The following AFF2 variants were observed in gnomAD, a reference collection of about 807,000 sequenced individuals.
The protein encoded by AFF2 is AF4/FMR2 family member 2.
AFF2 carries 14 observed loss-of-function variants against 76.9 expected under a neutral mutation model. The observed-to-expected ratio is 0.18, with a 90% CI of 0.12 to 0.28. AFF2 has a LOEUF of 0.28. AFF2 is among the 10% of genes least tolerant of loss of function. AFF2 has a pLI of 1.00. For synonymous variants in AFF2, 398 were observed against 366.7 expected, an observed-to-expected ratio of 1.09 and a Z score of -0.98; for missense variants, 868 against 1,001.1, an observed-to-expected ratio of 0.87 and a Z score of 1.79.
At chrX:148,538,928 C>A (rs1603235556) in intron 1 of AFF2, among the ~76,000 whole-genome samples, 1 of 111,696 alleles carries the variant, frequency 9.0e-6, no homozygotes. Context: ...ACTCTGAAGA[C>A]ATTAATTTGA....
chrX:148,614,022 A>G (rs1370803641), intron 1 of AFF2, among the ~76,000 whole-genome samples: 22 of 112,143 alleles, frequency 2.0e-4, no homozygotes, highest in Non-Finnish European at 5.6e-5. Flanking sequence ...ACATAAGAAA[A>G]TCCGAGCACA....
intron 1 of AFF2, among the ~76,000 whole-genome samples, chrX:148,589,791 CTG>C (rs782112249): frequency 2.1e-4 from 23 of 109,828 alleles, no homozygotes; most frequent in Non-Finnish European, 3.6e-4. Flanking sequence ...AGAAAGTAAA[CTG>C]TGAAAAAATA....
rs782757734 is a variant in AFF2 at position 148,962,726 on chromosome X, C to G, written c.2702C>G (p.Ser901Cys). 2 of 1,204,417 alleles carry G rather than the reference C, an allele frequency of 1.7e-6. No individual in the cohort carries two copies. The highest frequency in any genetic ancestry group is 5.9e-5 in the East Asian group (2 of 33,735). The change falls in exon 13 of 21, where the codon TCC becomes TGC. Residue 901 changes from serine to cysteine, a missense_variant. Coordinates refer to ENST00000370460, the MANE Select transcript of AFF2 (RefSeq NM_002025.4). Reference sequence around the variant, plus strand: ...CTTGTTTTTCACAGAAATAATTCATCCAGGAGAGCAAATAGAAGAAAGGAA... The same window carrying G: ...CTTGTTTTTCACAGAAATAATTCATGCAGGAGAGCAAATAGAAGAAAGGAA... ...KPPNTRENNS[S>C]RRANRRKEEK...
chrX:148,885,634 T>C (rs1270042473), intron 7 of AFF2, among the ~76,000 whole-genome samples: 7 of 111,504 alleles, frequency 6.3e-5, no homozygotes, highest in Non-Finnish European at 1.3e-4. Flanking sequence ...AATCCAGTCA[T>C]CTCTGGAGAT....
intron 7 of AFF2, among the ~76,000 whole-genome samples, chrX:148,864,584 T>C (rs1260656568): frequency 8.9e-6 from 1 of 112,284 alleles, no homozygotes; most frequent in Non-Finnish European, 1.9e-5. Context: ...ATCATAGAAT[T>C]ACTTCCTAGC....
chrX:148,541,988 T>G (rs1417433311), intron 1 of AFF2, among the ~76,000 whole-genome samples: 2 of 108,197 alleles, frequency 1.8e-5, no homozygotes, highest in Admixed American at 2.1e-4. Flanking sequence ...ACTGAACCTT[T>G]GTATTAGGAA....
chrX:148,596,713 T>A (rs116836566), intron 1 of AFF2, among the ~76,000 whole-genome samples: 2,083 of 112,113 alleles, frequency 0.019, 56 homozygotes, highest in African/African-American at 0.062. Flanking sequence ...TGTGCACAGG[T>A]AAGTCATATT....
intron 3 of AFF2, among the ~76,000 whole-genome samples, chrX:148,677,625 A>G (rs1433335665): frequency 1.8e-5 from 2 of 112,579 alleles, no homozygotes; most frequent in Non-Finnish European, 3.8e-5. Context: ...TGAACACATT[A>G]CCAGTTGAAT....
intron 3 of AFF2, among the ~76,000 whole-genome samples, chrX:148,717,189 A>C (rs1557263430): frequency 5.4e-5 from 6 of 112,135 alleles, no homozygotes; most frequent in Non-Finnish European, 1.1e-4. Context: ...AAACGAATAC[A>C]CAAAATATGG....
At chrX:148,623,986 T>A (rs1472944655) in intron 1 of AFF2, among the ~76,000 whole-genome samples, 2 of 111,874 alleles carry the variant, frequency 1.8e-5, no homozygotes, top group Non-Finnish European at 3.8e-5. Context: ...ATTTTGTCAC[T>A]GCAATTTGAC....
chrX:148,806,063 G>A lies in AFF2; in HGVS notation c.1042-3813G>A, dbSNP rs145570269. On this transcript the variant is annotated intron_variant, in intron 3 of 20. Coordinates refer to ENST00000370460, the MANE Select transcript of AFF2 (RefSeq NM_002025.4). The stretch of plus-strand genomic sequence containing the variant: ...ATTTAAAGAGAGGAGAAGGTGCCTC[G>A]GGAATTAAGCAGCAGCTTGGCAACT... 3.6e-3 allele frequency among the ~76,000 whole-genome samples: 400 copies of A among 112,638 alleles called. 2 individuals are homozygous for A. Among genetic ancestry groups the A allele is most frequent in the African/African-American group, 0.01 (315 of 31,069 alleles).
chrX:148,635,327 G>A (rs1393953132), intron 1 of AFF2, among the ~76,000 whole-genome samples: 1 of 110,823 alleles, frequency 9.0e-6, no homozygotes, highest in Non-Finnish European at 1.9e-5. Context: ...AGGAACGGTC[G>A]CCAGCCAGGC....
intron 3 of AFF2, among the ~76,000 whole-genome samples, chrX:148,792,058 A>G (rs1557269974): frequency 9.0e-6 from 1 of 110,976 alleles, no homozygotes; most frequent in African/African-American, 3.3e-5. Flanking sequence ...TTGTACAGTG[A>G]TTAAGAACAT....
chrX:148,854,895 T>G (rs990362126), intron 7 of AFF2, among the ~76,000 whole-genome samples: 10 of 111,624 alleles, frequency 9.0e-5, no homozygotes, highest in Non-Finnish European at 1.3e-4. Context: ...CTTTTTCTTT[T>G]CTTTATTTTT....
chrX:148,978,161 A>G (rs1179821146), intron 17 of AFF2, among the ~76,000 whole-genome samples, 157 bp downstream of exon 17: 1 of 112,523 alleles, frequency 8.9e-6, no homozygotes, highest in African/African-American at 3.2e-5. Context: ...CTGACTAAAC[A>G]TTTACTCTCC....
At chrX:148,725,501 G>A (rs1358076966) in intron 3 of AFF2, among the ~76,000 whole-genome samples, 3 of 111,596 alleles carry the variant, frequency 2.7e-5, no homozygotes, top group Non-Finnish European at 5.6e-5. Flanking sequence ...CTCCAACTTT[G>A]TGGGCAAGCA....
chrX:148,940,418 G>C (rs1179060746), intron 9 of AFF2, among the ~76,000 whole-genome samples: 1 of 112,195 alleles, frequency 8.9e-6, no homozygotes, highest in Non-Finnish European at 1.9e-5. Flanking sequence ...GACCACAAAT[G>C]TAATCTGCTT....
At chrX:148,766,319 C>A (rs1187799269) in intron 3 of AFF2, among the ~76,000 whole-genome samples, 1 of 110,147 alleles carries the variant, frequency 9.1e-6, no homozygotes, top group Non-Finnish European at 1.9e-5. Flanking sequence ...ACAGTCCCAC[C>A]AACAATGTAA....
chrX:148,873,294 T>C (rs2071000020), intron 7 of AFF2, among the ~76,000 whole-genome samples: 1 of 110,288 alleles, frequency 9.1e-6, no homozygotes, highest in African/African-American at 3.3e-5. Flanking sequence ...CGTGTCATGG[T>C]TTGGAAAATC....
Sources: allele counts gnomAD v4.1 joint callset (sites outside exome capture counted in the v4.1 genomes callset), GRCh38; gene constraint gnomAD v4.1.1; transcripts MANE v1.5; gene names NCBI Gene and HGNC (gene_info 2026-07-23, HGNC 2026-07-21).